Variants in CTTNBP2 observed in about 807,000 individuals in gnomAD.
CTTNBP2 encodes cortactin binding protein 2.
A neutral mutation model predicts 156.9 loss-of-function variants in CTTNBP2; 108 were observed. The ratio of observed to expected loss-of-function variants is 0.69; its 90% CI spans 0.59 to 0.81. The LOEUF (loss-of-function observed/expected upper bound fraction) is 0.81, where lower values mean the gene tolerates loss of function less well. Among genes scored for constraint, CTTNBP2 ranks in the 30% least tolerant of loss-of-function variants. The probability of loss-of-function intolerance (pLI) is 0.00; values close to 1 mark genes in which losing one functional copy is unlikely to be tolerated. For missense variants in CTTNBP2, 1,924 were observed against 2,035.4 expected (o/e 0.95, Z 1.05); for synonymous variants, 767 against 751.8 (o/e 1.02, Z -0.33).
At chr7:117,810,627 C>A in intron 3 of CTTNBP2, 138 bp downstream of exon 3, 1 of 701,458 alleles carries the variant, frequency 1.4e-6, no homozygotes. Context: ...CTTAAAGAAT[C>A]TGTCAGCCTC....
intron 11 of CTTNBP2, among the ~76,000 whole-genome samples, chr7:117,756,880 T>C (rs1374814130): frequency 6.6e-6 from 1 of 152,138 alleles, no homozygotes; most frequent in Admixed American, 6.5e-5. Context: ...CTCCACCCCC[T>C]GGGATGCCCA....
chr7:117,758,769 C>G (rs1797026060), intron 10 of CTTNBP2, among the ~76,000 whole-genome samples: 1 of 152,160 alleles, frequency 6.6e-6, no homozygotes, highest in Admixed American at 6.5e-5. Flanking sequence ...TAAACTAAGT[C>G]CTTTATCCAC....
intron 16 of CTTNBP2, among the ~76,000 whole-genome samples, chr7:117,732,020 T>C (rs912969615): frequency 6.6e-6 from 1 of 152,206 alleles, no homozygotes; most frequent in African/African-American, 2.4e-5. Flanking sequence ...AAGAATGACA[T>C]TAAATATTTC....
intron 21 of CTTNBP2, 118 bp from the exon 22 acceptor site, chr7:117,718,237 C>T: frequency 1.6e-6 from 1 of 634,662 alleles, no homozygotes; most frequent in East Asian, 2.8e-5. Context: ...CTTCCCTGCC[C>T]CTCAAGTCCT....
intron 22 of CTTNBP2, among the ~76,000 whole-genome samples, chr7:117,716,437 G>C (rs574833242): frequency 6.6e-6 from 1 of 152,176 alleles, no homozygotes; most frequent in East Asian, 1.9e-4. Context: ...TTCCACTGAC[G>C]ATGTTCCACA....
intron 1 of CTTNBP2, among the ~76,000 whole-genome samples, chr7:117,863,494 GA>G (rs1240384644): frequency 6.6e-6 from 1 of 152,196 alleles, no homozygotes; most frequent in Non-Finnish European, 1.5e-5. Flanking sequence ...AAGACCTTGT[GA>G]AAAAACAAGC....
At position 117,711,683 on chromosome 7, in the gene CTTNBP2, G is replaced by C. The variant is rs762215104; in HGVS notation, c.4846C>G (p.Pro1616Ala). 1 of 1,613,958 alleles carries C rather than the reference G, an allele frequency of 6.2e-7. No individual in the cohort carries two copies. The highest frequency in any genetic ancestry group is 1.3e-5 in the African/African-American group (1 of 75,014). The stretch of plus-strand genomic sequence containing the variant: ...GAACACTGGGTGACTTTACTTCTAG[G>C]AACAGGAAGAAAAGATTTAACTCTT... The part of the protein sequence containing the change: ...VSRVKSFLPV[P>A]RSKVTQCSQN... The change falls in exon 23 of 23, where the codon CCT becomes GCT. Residue 1616 changes from proline (P) to alanine (A), a missense_variant. Coordinates refer to ENST00000160373, the MANE Select transcript of CTTNBP2 (RefSeq NM_033427.3).
rs558156449 is a variant in CTTNBP2, at chr7:117,861,273, C to T, written c.125G>A (p.Arg42Gln). 112 of 1,613,750 alleles carry T rather than the reference C, an allele frequency of 6.9e-5. No homozygotes were observed. In the South Asian group the frequency reaches 9.6e-4, roughly 14 times the overall value. ...DVDTLSKSEL[R>Q]MLLSVMEGEL... ...CCCTTCCATCACGCTGAGGAGCATC[C>T]GCAGCTCGGATTTACTGAGAGTATC... Residue 42 changes from arginine to glutamine, a missense_variant, in exon 2 of 23, where the codon CGG (arginine) becomes CAG (glutamine). Physicochemically the swap from Arg to Gln is conservative, Grantham distance 43. Coordinates refer to ENST00000160373, the MANE Select transcript of CTTNBP2 (RefSeq NM_033427.3).
intron 20 of CTTNBP2, among the ~76,000 whole-genome samples, chr7:117,720,713 T>C (rs973968488): frequency 1.6e-4 from 24 of 152,114 alleles, no homozygotes; most frequent in South Asian, 4.1e-4. Flanking sequence ...AAAAAAGTCA[T>C]ACTGTTTCTG....
At chr7:117,713,650 A>C (rs1456638379) in intron 22 of CTTNBP2, 2 of 152,192 alleles carry the variant, frequency 1.3e-5, no homozygotes, top group Non-Finnish European at 2.9e-5. Context: ...GTTCTTTTAA[A>C]GTTTGGCTCC....
rs1798997325 is a variant in CTTNBP2, at chr7:117,791,372, G to C, written c.1824C>G (p.Ser608=). The C allele has an allele frequency of 6.2e-7, 1 of 1,614,022 alleles. No individual in the cohort carries two copies. The highest frequency in any genetic ancestry group is 1.3e-5 in the African/African-American group (1 of 74,922). Residue 608 remains serine, a synonymous_variant, in exon 4 of 23, where the codon TCC becomes TCG. Coordinates refer to ENST00000160373, the MANE Select transcript of CTTNBP2 (RefSeq NM_033427.3). ...INEENLPKSS[S]PQLPPKPSID... ...TGGATGGTTTTGGTGGCAGCTGAGG[G>C]GAGGATGACTTAGGAAGGTTCTCCT...
intron 2 of CTTNBP2, among the ~76,000 whole-genome samples, chr7:117,821,929 CTG>C (rs1017444972): frequency 6.6e-6 from 1 of 152,066 alleles, no homozygotes; most frequent in South Asian, 2.1e-4. Context: ...GAGTATTACT[CTG>C]TAATTTTTTC....
chr7:117,770,264 G>T (rs778069555), intron 8 of CTTNBP2, among the ~76,000 whole-genome samples: 2 of 152,170 alleles, frequency 1.3e-5, no homozygotes, highest in Non-Finnish European at 2.9e-5. Flanking sequence ...ATTTCTGGCC[G>T]TCAAAGTAGG....
rs753913174 is a variant in CTTNBP2, at chr7:117,746,111, C to G, written c.3349-12G>C. The G allele has an allele frequency of 7.5e-6, 12 of 1,600,154 alleles. No homozygotes were observed. The Admixed American group carries it at 1.8e-4, about 24-fold the overall frequency. ...TGATATTGCTCAACCTATTAACAAA[C>G]CAAGTAGAGAGCTAGGGTGAAGATG... On this transcript the variant is annotated splice_polypyrimidine_tract_variant and intron_variant, in intron 12 of 22. Transcript: ENST00000160373.
intron 4 of CTTNBP2, chr7:117,786,452 A>G (rs1798708055): frequency 6.8e-6 from 3 of 441,178 alleles, no homozygotes; most frequent in Non-Finnish European, 1.4e-5. Flanking sequence ...CAAACAAAAA[A>G]CAGGCCCACA....
Position 117,792,666 on chromosome 7 carries a change from T to G in CTTNBP2, c.530A>C (p.Glu177Ala). 2 of 1,614,172 alleles carry G rather than the reference T, an allele frequency of 1.2e-6. No homozygotes were observed. Among genetic ancestry groups the G allele is most frequent in the Non-Finnish European group, 1.7e-6 (2 of 1,180,022 alleles). Reference protein sequence around the residue: ...NKQVVLMLVKECKQLSGKVIE... With the variant: ...NKQVVLMLVKACKQLSGKVIE... ...GACTTTGCCTGAGAGCTGCTTGCACTCTTTGACCAGCATCAGGACCACCTG... is the reference window on the plus strand; with the variant it reads ...GACTTTGCCTGAGAGCTGCTTGCACGCTTTGACCAGCATCAGGACCACCTG... Residue 177 changes from glutamate (E) to alanine (A), a missense_variant, in exon 4 of 23, where the codon GAG (glutamate) becomes GCG (alanine). Transcript: ENST00000160373. This position sits in a 1 kb window ranked among gnomAD's most constrained non-coding sequence, Gnocchi z 4.2.
intron 3 of CTTNBP2, among the ~76,000 whole-genome samples, chr7:117,809,151 C>T (rs1448866635): frequency 6.7e-6 from 1 of 150,260 alleles, no homozygotes; most frequent in Non-Finnish European, 1.5e-5. Context: ...TTGGAAATGA[C>T]CCAGTCATTC....
chr7:117,756,568 T>A lies in CTTNBP2; in HGVS notation c.3335A>T (p.Asn1112Ile). 1.2e-6 allele frequency: 2 copies of A among 1,612,990 alleles called. No individual in the cohort carries two copies. Among genetic ancestry groups the A allele is most frequent in the Non-Finnish European group, 1.7e-6 (2 of 1,179,008 alleles). Residue 1112 changes from asparagine (N) to isoleucine (I), a missense_variant, in exon 12 of 23, where the codon AAC (asparagine) becomes ATC (isoleucine). By Grantham distance (149) the Asn-to-Ile change is moderately radical. Transcript: ENST00000160373. ...ASMIPLQMMQ[N>I]YLRLVEQYHN... ...GTGTCCACCTACCAGCCTGAGGTAG[T>A]TCTGCATCATCTGGAGAGGGATCAT...
chr7:117,746,252 T>C (rs1056974552), intron 12 of CTTNBP2, among the ~76,000 whole-genome samples, 153 bp from the exon 13 acceptor site: 1 of 152,226 alleles, frequency 6.6e-6, no homozygotes, highest in Non-Finnish European at 1.5e-5. Flanking sequence ...ATTGGACACC[T>C]GTACTCTCAT....
Sources: allele counts gnomAD v4.1 joint callset (sites outside exome capture counted in the v4.1 genomes callset), GRCh38; gene constraint gnomAD v4.1.1; non-coding constraint Gnocchi (gnomAD v3.1); transcripts MANE v1.5; gene names NCBI Gene and HGNC (gene_info 2026-07-23, HGNC 2026-07-21).